The following NRXN1 variants were observed in gnomAD, a reference collection of about 807,000 sequenced individuals.
NRXN1 encodes the protein neurexin-1.
Under a neutral mutation model 150.9 loss-of-function variants are expected in NRXN1, and 39 were observed. The observed-to-expected ratio is 0.26, with a 90% CI of 0.20 to 0.34. The LOEUF (loss-of-function observed/expected upper bound fraction) is 0.34, where lower values mean the gene tolerates loss of function less well. NRXN1 is among the 10% of genes least tolerant of loss of function. The pLI is 1.00. For missense variants in NRXN1, 1,815 were observed against 1,949.9 expected, an observed-to-expected ratio of 0.93 and a Z score of 1.30; for synonymous variants, 924 against 757.0, an observed-to-expected ratio of 1.22 and a Z score of -3.62.
At chr2:50,564,102 GT>G (rs1364804882) in intron 8 of NRXN1, among the ~76,000 whole-genome samples, 2 of 152,180 alleles carry the variant, frequency 1.3e-5, no homozygotes, top group Non-Finnish European at 2.9e-5. Flanking sequence ...ACAGTCTCAG[GT>G]TTACATTCCT....
chr2:50,647,644 TC>T (rs1441003257), intron 5 of NRXN1, among the ~76,000 whole-genome samples: 2 of 152,054 alleles, frequency 1.3e-5, no homozygotes, highest in East Asian at 3.9e-4. Flanking sequence ...TAATTCCACT[TC>T]CAAGTAATAC....
intron 5 of NRXN1, among the ~76,000 whole-genome samples, chr2:50,920,548 C>G (rs955320366): frequency 6.6e-6 from 1 of 151,666 alleles, no homozygotes; most frequent in Non-Finnish European, 1.5e-5. Context: ...ATACTTTACT[C>G]AGCCAGTAAG....
intron 17 of NRXN1, among the ~76,000 whole-genome samples, chr2:50,333,481 A>G (rs939571059): frequency 2.0e-5 from 3 of 152,106 alleles, no homozygotes; most frequent in Non-Finnish European, 4.4e-5. Flanking sequence ...TCAGGCTCCT[A>G]TAGAAATCAG....
chr2:50,952,338 G>C (rs888374854), intron 2 of NRXN1, among the ~76,000 whole-genome samples: 5 of 151,980 alleles, frequency 3.3e-5, no homozygotes, highest in African/African-American at 7.2e-5. Context: ...ACAAATACAA[G>C]ACAATTATAA....
intron 2 of NRXN1, among the ~76,000 whole-genome samples, chr2:50,977,862 T>C (rs1054136445): frequency 3.5e-4 from 53 of 151,846 alleles, no homozygotes; most frequent in African/African-American, 1.2e-3. Context: ...GTTTAATCAT[T>C]AGAAATAGGG....
intron 15 of NRXN1, among the ~76,000 whole-genome samples, chr2:50,477,098 T>A (rs537478180): frequency 6.6e-6 from 1 of 152,194 alleles, no homozygotes; most frequent in African/African-American, 2.4e-5. Context: ...AGCACAATTG[T>A]ACCATGGAGA....
At chr2:50,746,162 T>C (rs1305015920) in intron 5 of NRXN1, among the ~76,000 whole-genome samples, 1 of 152,092 alleles carries the variant, frequency 6.6e-6, no homozygotes, top group Non-Finnish European at 1.5e-5. Context: ...AGTTCTAAAG[T>C]TGTTGTACAT....
chr2:50,169,087 C>T (rs2059859757), intron 18 of NRXN1, among the ~76,000 whole-genome samples: 1 of 152,170 alleles, frequency 6.6e-6, no homozygotes. Flanking sequence ...GTACTCTGGG[C>T]TGTGTGCCTA....
intron 17 of NRXN1, chr2:50,464,043 G>T (rs1178627502): frequency 6.6e-6 from 1 of 151,192 alleles, no homozygotes; most frequent in Non-Finnish European, 1.5e-5. Flanking sequence ...ATATCCTTAT[G>T]AAAAGCACAT....
chr2:50,449,919 A>C (rs1481748630), intron 17 of NRXN1, among the ~76,000 whole-genome samples: 1 of 152,178 alleles, frequency 6.6e-6, no homozygotes, highest in Non-Finnish European at 1.5e-5. Context: ...TCCATTTTAC[A>C]GATGAAGAAG....
At chr2:50,325,875 G>C (rs1010008615) in intron 17 of NRXN1, among the ~76,000 whole-genome samples, 1 of 152,114 alleles carries the variant, frequency 6.6e-6, no homozygotes, top group Non-Finnish European at 1.5e-5. Flanking sequence ...TAAAATGTCA[G>C]CACTTTACTT....
At chr2:50,090,270 T>C (rs1244155631) in intron 19 of NRXN1, among the ~76,000 whole-genome samples, 2 of 152,176 alleles carry the variant, frequency 1.3e-5, no homozygotes, top group Non-Finnish European at 2.9e-5. Context: ...TTGATATCAA[T>C]TGAATACATT....
chr2:51,005,876 A>C (rs1700652197), intron 2 of NRXN1, among the ~76,000 whole-genome samples: 1 of 151,884 alleles, frequency 6.6e-6, no homozygotes, highest in Non-Finnish European at 1.5e-5. Flanking sequence ...ACCCAAATAT[A>C]TGTTGCCTAC....
At chr2:50,421,494 C>T (rs2083996220) in intron 17 of NRXN1, among the ~76,000 whole-genome samples, 1 of 152,068 alleles carries the variant, frequency 6.6e-6, no homozygotes, top group Non-Finnish European at 1.5e-5. Flanking sequence ...GTATAGTTAC[C>T]ATTCTATTAT....
intron 5 of NRXN1, among the ~76,000 whole-genome samples, chr2:50,921,510 G>A (rs1406794987): frequency 1.3e-5 from 2 of 151,708 alleles, no homozygotes; most frequent in Non-Finnish European, 2.9e-5. Flanking sequence ...GCTAGGGCAG[G>A]TGTGCTCCAG....
chr2:50,961,929 C>T (rs1263711630), intron 2 of NRXN1, among the ~76,000 whole-genome samples: 1 of 149,442 alleles, frequency 6.7e-6, no homozygotes, highest in Non-Finnish European at 1.5e-5. Context: ...TTAGCTATTA[C>T]AACTGAGAAT....
At position 50,623,580 on chromosome 2, in the gene NRXN1, C is replaced by G; in HGVS notation, c.868G>C (p.Glu290Gln). 6.2e-7 allele frequency: 1 copy of G among 1,612,894 alleles called. No homozygotes were observed. ...EEYIATFKGS[E>Q]YFCYDLSQNP... ...TGAGACAAGTCGTAGCAGAAGTATT[C>G]AGATCCTTTGAACGTGGCAATATAT... Residue 290 changes from glutamate to glutamine, a missense_variant, in exon 6 of 23, where the codon GAA becomes CAA. By Grantham distance (29) the Glu-to-Gln change is conservative. Transcript: ENST00000401669.
chr2:50,487,869 A>C (rs967276385), intron 15 of NRXN1, among the ~76,000 whole-genome samples: 22 of 152,186 alleles, frequency 1.4e-4, no homozygotes, highest in Non-Finnish European at 1.3e-4. Flanking sequence ...ACAGAAGGTA[A>C]AAATCTAAGG....
chr2:51,001,067 A>G (rs1699983512), intron 2 of NRXN1, among the ~76,000 whole-genome samples: 1 of 151,988 alleles, frequency 6.6e-6, no homozygotes, highest in Admixed American at 6.6e-5. Flanking sequence ...AAAGAGAATT[A>G]GAATGCCTTT....
Sources: allele counts gnomAD v4.1 joint callset (sites outside exome capture counted in the v4.1 genomes callset), GRCh38; gene constraint gnomAD v4.1.1; transcripts MANE v1.5; gene names NCBI Gene and HGNC (gene_info 2026-07-23, HGNC 2026-07-21).